Variants in RBFOX1 observed in about 807,000 individuals in gnomAD.
The protein encoded by RBFOX1 is RNA binding fox-1 homolog 1.
RBFOX1 carries 8 observed loss-of-function variants against 57.7 expected under a neutral mutation model. That is an observed-to-expected ratio of 0.14 (90% confidence interval 0.08 to 0.25). The LOEUF is 0.25. RBFOX1 is among the 10% of genes least tolerant of loss of function. The pLI is 1.00. For synonymous variants in RBFOX1, 326 were observed against 222.4 expected, an observed-to-expected ratio of 1.47 and a Z score of -4.15; for missense variants, 611 against 548.5, an observed-to-expected ratio of 1.11 and a Z score of -1.14.
intron 4 of RBFOX1, among the ~76,000 whole-genome samples, chr16:7,160,777 C>A (rs555716986): frequency 1.3e-5 from 2 of 148,810 alleles, no homozygotes; most frequent in African/African-American, 2.5e-5. Flanking sequence ...TCCGCCTCCC[C>A]CTTTTTTCTC....
intron 8 of RBFOX1, 139 bp from the exon 9 acceptor site, chr16:7,597,232 A>G (rs2094750621): frequency 1.8e-6 from 1 of 567,448 alleles, no homozygotes; most frequent in South Asian, 2.7e-5. Flanking sequence ...TTATGCACCT[A>G]CTGCCTTTTA....
intron 4 of RBFOX1, among the ~76,000 whole-genome samples, chr16:7,173,578 G>T (rs1166004168): frequency 6.6e-6 from 1 of 151,962 alleles, no homozygotes; most frequent in East Asian, 1.9e-4. Flanking sequence ...TTACAGTAGT[G>T]CATACTACTT....
intron 3 of RBFOX1, among the ~76,000 whole-genome samples, chr16:6,939,852 A>T (rs190166859): frequency 2.6e-5 from 4 of 152,200 alleles, no homozygotes; most frequent in Non-Finnish European, 1.5e-5. Flanking sequence ...CTGGTGGAAG[A>T]TACATGTCAA....
chr16:7,696,557 TTAA>T (rs2078869535), intron 14 of RBFOX1, among the ~76,000 whole-genome samples: 1 of 152,180 alleles, frequency 6.6e-6, no homozygotes, highest in African/African-American at 2.4e-5. Context: ...TTTTAGTCGA[TTAA>T]TATCTCTAGT....
intron 2 of RBFOX1, among the ~76,000 whole-genome samples, chr16:6,456,433 A>G (rs1379019788): frequency 6.6e-6 from 1 of 152,182 alleles, no homozygotes; most frequent in Non-Finnish European, 1.5e-5. Context: ...CTCAGCCTCT[A>G]GAGTGGCTGC....
intron 1 of RBFOX1, among the ~76,000 whole-genome samples, chr16:6,195,401 G>T (rs1416482558): frequency 6.6e-6 from 1 of 152,124 alleles, no homozygotes; most frequent in Non-Finnish European, 1.5e-5. Context: ...AAAAATTTAT[G>T]GCCTTTAGTA....
At chr16:5,594,597 C>G (rs891721716) in intron 2 of RBFOX1, among the ~76,000 whole-genome samples, 1 of 152,090 alleles carries the variant, frequency 6.6e-6, no homozygotes, top group Non-Finnish European at 1.5e-5. Context: ...GAGGAGGCTT[C>G]CAGGTCAGAG....
chr16:6,212,530 AC>A (rs2097305158), intron 1 of RBFOX1, among the ~76,000 whole-genome samples: 1 of 151,978 alleles, frequency 6.6e-6, no homozygotes, highest in African/African-American at 2.4e-5. Context: ...ATATGGTGAA[AC>A]CCTGTCTCTA....
In RBFOX1 at chr16:7,360,446, C is replaced by T. The variant is rs1009887065; in HGVS notation, c.28-157701C>T. On this transcript the variant is annotated intron_variant, in intron 4 of 15. Transcript: ENST00000550418. ...GGGTGTGCACGTGTGTGAATATTAG[C>T]GAGAATGGGAGAAGCCTTTACTAAT... is the stretch of plus-strand genomic sequence containing the variant. Among the ~76,000 whole-genome samples, 6 of 151,992 alleles carry T rather than the reference C, an allele frequency of 3.9e-5. No homozygotes were observed. The South Asian group carries it at 1.0e-3, about 26-fold the overall frequency.
chr16:5,539,787 A>AT (rs1336748744), intron 2 of RBFOX1, among the ~76,000 whole-genome samples: 3 of 152,104 alleles, frequency 2.0e-5, no homozygotes, highest in Non-Finnish European at 2.9e-5. Flanking sequence ...TTAGATGCCT[A>AT]TTTTTTTAAG....
chr16:5,517,995 A>G (rs2043857851), intron 2 of RBFOX1, among the ~76,000 whole-genome samples: 1 of 151,660 alleles, frequency 6.6e-6, no homozygotes, highest in African/African-American at 2.4e-5. Flanking sequence ...TTTCTCATGG[A>G]GCCCCAGTGT....
exon 3 of RBFOX1, chr16:5,599,085 G>A (rs959034190): frequency 1.1e-6 from 1 of 925,240 alleles, no homozygotes; most frequent in Non-Finnish European, 1.7e-6. Context: ...TCTTGCTGGA[G>A]AATTAACTGG....
intron 2 of RBFOX1, among the ~76,000 whole-genome samples, chr16:6,553,902 C>A (rs12325383): frequency 2.0e-5 from 3 of 152,106 alleles, no homozygotes; most frequent in African/African-American, 7.2e-5. Flanking sequence ...ATAGATTTTG[C>A]ACAACTTTGT....
In RBFOX1 at chr16:7,186,809, G is replaced by A. The variant is rs112254261; in HGVS notation, c.27+134711G>A. On this transcript the variant is annotated intron_variant, in intron 4 of 15. Coordinates refer to ENST00000550418, the MANE Select transcript of RBFOX1 (RefSeq NM_018723.4). ...TATCCTGCCATCAAGTATCCAGTCTGTATTAAAATGTATTCAGTGTTTTGA... is the reference window on the plus strand; with the variant it reads ...TATCCTGCCATCAAGTATCCAGTCTATATTAAAATGTATTCAGTGTTTTGA... Among the ~76,000 whole-genome samples, 253 of 151,106 alleles carry A rather than the reference G, an allele frequency of 1.7e-3. 1 individual carries two copies. Among genetic ancestry groups the A allele is most frequent in the African/African-American group, 5.9e-3 (243 of 41,220 alleles).
intron 1 of RBFOX1, among the ~76,000 whole-genome samples, chr16:5,345,384 C>A (rs917276576): frequency 1.3e-5 from 2 of 152,196 alleles, no homozygotes; most frequent in Non-Finnish European, 2.9e-5. Context: ...ACAAAGCACC[C>A]CATTCAAACC....
intron 2 of RBFOX1, among the ~76,000 whole-genome samples, chr16:6,639,739 C>G (rs2098472025): frequency 6.6e-6 from 1 of 152,020 alleles, no homozygotes; most frequent in African/African-American, 2.4e-5. Context: ...ATTAGTTGGT[C>G]AAGGTGTTGG....
At chr16:5,455,584 T>C (rs192389325) in intron 1 of RBFOX1, among the ~76,000 whole-genome samples, 24 of 152,354 alleles carry the variant, frequency 1.6e-4, no homozygotes, top group Admixed American at 9.1e-4. Context: ...TATGCCTTTT[T>C]TCTCCCTTAG....
chr16:6,836,954 G>A (rs1240549692), intron 3 of RBFOX1, among the ~76,000 whole-genome samples: 1 of 152,146 alleles, frequency 6.6e-6, no homozygotes, highest in Non-Finnish European at 1.5e-5. Flanking sequence ...GTAGAAGGGT[G>A]GAAGGATGGC....
chr16:6,747,069 T>C (rs145297786), intron 3 of RBFOX1, among the ~76,000 whole-genome samples: 157 of 152,236 alleles, frequency 1.0e-3, no homozygotes, highest in Middle Eastern at 3.4e-3. Context: ...CCCCTCACGG[T>C]ACCATAGCAG....
Sources: gnomAD v4.1 joint callset for allele counts (sites outside exome capture counted in the v4.1 genomes callset) on GRCh38, gnomAD v4.1.1 for gene constraint, MANE v1.5 for transcripts, NCBI Gene and HGNC (gene_info 2026-07-23, HGNC 2026-07-21) for gene names.